The following EMC1 variants were observed in gnomAD, a reference collection of about 807,000 sequenced individuals.
EMC1 encodes the protein ER membrane protein complex subunit 1, also known as KIAA0090.
EMC1 carries 103 observed loss-of-function variants against 128.8 expected under a neutral mutation model. The ratio of observed to expected loss-of-function variants is 0.80; its 90% CI spans 0.68 to 0.94. EMC1 has a LOEUF of 0.94. EMC1 is among the 40% of genes least tolerant of loss of function. The pLI is 0.00. For missense variants in EMC1, 1,083 were observed against 1,250.6 expected, an observed-to-expected ratio of 0.87 and a Z score of 2.02; for synonymous variants, 442 against 490.4, an observed-to-expected ratio of 0.90 and a Z score of 1.30.
intron 14 of EMC1, 76 bp from the exon 15 acceptor site, chr1:19,232,849 A>G: frequency 6.2e-7 from 1 of 1,603,702 alleles, no homozygotes; most frequent in Non-Finnish European, 8.5e-7. Flanking sequence ...GAAAACTAGA[A>G]CCAGTGTTAT....
At chr1:19,227,270 T>C (rs1265044052) in intron 18 of EMC1, 43 bp downstream of exon 18, 2 of 1,610,608 alleles carry the variant, frequency 1.2e-6, no homozygotes, top group Admixed American at 3.3e-5. Context: ...GTTTTCCTGA[T>C]TCGAAAGCCC....
rs185633996 is a variant in EMC1, at chr1:19,216,494, T to A, written c.*2809A>T. The A allele has an allele frequency of 3.9e-5, 6 of 152,238 alleles. No homozygotes were observed. In the East Asian group the frequency reaches 1.2e-3, roughly 29 times the overall value. The allele number at this position is 152,238 out of a possible 1,614,324, so 9.4% of individuals were successfully genotyped here. ...TTAGCTGAGCCTTTATAAAAACATC[T>A]CATGTACCCCATAAGTATATGTACC... is the stretch of plus-strand genomic sequence containing the variant. On this transcript the variant is annotated 3_prime_UTR_variant, in exon 23 of 23. Coordinates refer to ENST00000477853, the MANE Select transcript of EMC1 (RefSeq NM_015047.3).
At chr1:19,224,478 T>C (rs1226928821) in intron 18 of EMC1, among the ~76,000 whole-genome samples, 1 of 152,152 alleles carries the variant, frequency 6.6e-6, no homozygotes, top group Non-Finnish European at 1.5e-5. Flanking sequence ...GGCTCAGACC[T>C]AAAGCCTCGA....
At chr1:19,247,291 A>T (rs1045954793) in intron 1 of EMC1, among the ~76,000 whole-genome samples, 2 of 152,178 alleles carry the variant, frequency 1.3e-5, no homozygotes, top group African/African-American at 4.8e-5. Context: ...CTCCCATCTC[A>T]GCCTCCCAAG....
chr1:19,251,359 G>A, intron 1 of EMC1, 56 bp downstream of exon 1: 1 of 1,463,268 alleles, frequency 6.8e-7, no homozygotes, highest in Non-Finnish European at 9.6e-7. Context: ...GCAGGTAGGA[G>A]ACAGGTACTG....
At position 19,219,372 on chromosome 1, in the gene EMC1, G is replaced by A. The variant is rs1400507308; in HGVS notation, c.2913C>T (p.Gly971=). Residue 971 remains glycine, a synonymous_variant, in exon 23 of 23, where the codon GGC becomes GGT. Transcript: ENST00000477853. ...DYVLISSVLF[G]LVFATMITKR... ...TAGTGATCATGGTGGCAAAAACCAG[G>A]CCAAAGAGGACGCTGCTGATTAACA... 9 of 1,613,936 alleles carry A rather than the reference G, an allele frequency of 5.6e-6. No homozygotes were observed. The highest frequency in any genetic ancestry group is 3.3e-5 in the Admixed American group (2 of 59,980).
intron 19 of EMC1, 67 bp from the exon 20 acceptor site, chr1:19,222,901 G>A: frequency 1.6e-6 from 2 of 1,225,148 alleles, no homozygotes; most frequent in Non-Finnish European, 2.3e-6. Flanking sequence ...AAATTGCACT[G>A]GAAGGCACCC....
At chr1:19,228,826 A>T (rs936688634) in intron 17 of EMC1, among the ~76,000 whole-genome samples, 3 of 152,064 alleles carry the variant, frequency 2.0e-5, no homozygotes, top group Middle Eastern at 3.2e-3. Context: ...CCGAGGCGGG[A>T]GGATCACTTG....
At chr1:19,220,724 G>C in intron 21 of EMC1, 40 bp downstream of exon 21, 1 of 1,485,704 alleles carries the variant, frequency 6.7e-7, no homozygotes, top group Non-Finnish European at 9.3e-7. Flanking sequence ...GTTAAGTTAT[G>C]TAAGGTCAGA....
chr1:19,244,463 G>A (rs1173295961), intron 2 of EMC1: 2 of 255,062 alleles, frequency 7.8e-6, no homozygotes, highest in South Asian at 9.1e-5. Context: ...CCAGGCTGGA[G>A]TGAACTGGCA....
At chr1:19,240,805 A>G (rs533181015) in intron 6 of EMC1, 326 of 604,154 alleles carry the variant, frequency 5.4e-4, no homozygotes, top group Middle Eastern at 1.6e-3. Flanking sequence ...AGATCTATGT[A>G]ATTTTTTAGC....
rs762717308 is a variant in EMC1, at chr1:19,239,988, G to A, written c.787-3C>T. 4 of 1,609,258 alleles carry A rather than the reference G, an allele frequency of 2.5e-6. No homozygotes were observed. The highest frequency in any genetic ancestry group is 3.4e-6 in the Non-Finnish European group (4 of 1,176,658). On this transcript the variant is annotated splice_region_variant and splice_polypyrimidine_tract_variant and intron_variant, in intron 7 of 22. Transcript: ENST00000477853. ...CTTCCAAATTCTAAGTCGAGAGACT[G>A]GAAGGCAAGAAGGAGGAGGATTATG...
chr1:19,233,303 T>G (rs2093538577), intron 13 of EMC1, among the ~76,000 whole-genome samples, 168 bp from the exon 14 acceptor site: 1 of 152,112 alleles, frequency 6.6e-6, no homozygotes, highest in Admixed American at 6.5e-5. Context: ...AGTCTCACAC[T>G]CAGGTGAGGC....
chr1:19,227,267 T>C, intron 18 of EMC1, 46 bp downstream of exon 18: 2 of 1,609,606 alleles, frequency 1.2e-6, no homozygotes, highest in Non-Finnish European at 8.5e-7. Context: ...CTTGTTTTCC[T>C]GATTCGAAAG....
In EMC1 at chr1:19,233,078, G is replaced by A; in HGVS notation, c.1490C>T (p.Ala497Val). 1 of 1,614,224 alleles carries A rather than the reference G, an allele frequency of 6.2e-7. No individual in the cohort carries two copies. The change falls in exon 14 of 23, where the codon GCA becomes GTA. Residue 497 changes from alanine (A) to valine (V), a missense_variant. Physicochemically the swap from Ala to Val is moderately conservative, Grantham distance 64 (BLOSUM62 0). Coordinates refer to ENST00000477853, the MANE Select transcript of EMC1 (RefSeq NM_015047.3). ...RLSSQLILLQ[A>V]WTSHLWKMFY... Reference sequence around the variant, plus strand: ...CATTTTCCAGAGGTGGGAAGTCCATGCTTGCAGCAGGATAAGCTGAGACGA... The same window carrying A: ...CATTTTCCAGAGGTGGGAAGTCCATACTTGCAGCAGGATAAGCTGAGACGA...
In EMC1 at chr1:19,243,968, T is replaced by A; in HGVS notation, c.268A>T (p.Met90Leu). ...KGTAEGAVDA[M>L]LLHGQDVITV... ...TGCTTACCCTGTCCGTGCAGCAGCA[T>A]GGCATCCACAGCCCCTTCTGCCGTG... is the stretch of plus-strand genomic sequence containing the variant. Residue 90 changes from methionine (M) to leucine (L), a missense_variant, in exon 3 of 23, where the codon ATG (methionine) becomes TTG (leucine). Physicochemically the swap from Met to Leu is conservative, Grantham distance 15 (BLOSUM62 2). This residue lies in a region of EMC1 where 544 missense variants were observed against 572.4 expected (regional missense o/e 0.95). Coordinates refer to ENST00000477853, the MANE Select transcript of EMC1 (RefSeq NM_015047.3). 1 of 1,614,130 alleles carries A rather than the reference T, an allele frequency of 6.2e-7. No individual in the cohort carries two copies. The highest frequency in any genetic ancestry group is 1.1e-5 in the South Asian group (1 of 91,074).
Position 19,220,786 on chromosome 1 carries a change from C to G in EMC1, c.2650G>C (p.Glu884Gln). The part of the protein sequence containing the change: ...PKALLDPRRP[E>Q]IPTEQSREEN... ...CACCTGCTTTGTTCTGTTGGGATCT[C>G]GGGGCGGCGGGGATCCAGCAAAGCC... Residue 884 changes from glutamate to glutamine, a missense_variant, in exon 21 of 23, where the codon GAG becomes CAG. Coordinates refer to ENST00000477853, the MANE Select transcript of EMC1 (RefSeq NM_015047.3). 6.2e-7 allele frequency: 1 copy of G among 1,613,644 alleles called. No homozygotes were observed. Among genetic ancestry groups the G allele is most frequent in the Non-Finnish European group, 8.5e-7 (1 of 1,179,894 alleles).
intron 11 of EMC1, among the ~76,000 whole-genome samples, chr1:19,237,774 G>A (rs2093576972): frequency 6.6e-6 from 1 of 152,234 alleles, no homozygotes; most frequent in African/African-American, 2.4e-5. Context: ...AGAGTGTTTG[G>A]AGGGTTAAAT....
Position 19,239,866 on chromosome 1 carries a change from C to G in EMC1, c.906G>C (p.Leu302=), listed in dbSNP as rs2151958160. Residue 302 remains leucine, a synonymous_variant, in exon 8 of 23, where the codon CTG becomes CTC. Coordinates refer to ENST00000477853, the MANE Select transcript of EMC1 (RefSeq NM_015047.3). ...FLHLSPSHYA[L]LQYHYGTLSL... is the part of the protein sequence containing the mutation. ...TCAGCGTTCCATAATGGTACTGCAG[C>G]AGAGCATAGTGGCTTGGGGACAAGT... The G allele has an allele frequency of 6.2e-7, 1 of 1,614,086 alleles. No individual in the cohort carries two copies. The highest frequency in any genetic ancestry group is 8.5e-7 in the Non-Finnish European group (1 of 1,180,000).
Sources: allele counts gnomAD v4.1 joint callset (sites outside exome capture counted in the v4.1 genomes callset), GRCh38; gene constraint gnomAD v4.1.1; regional missense constraint gnomAD v4.1.1; transcripts MANE v1.5; gene names NCBI Gene and HGNC (gene_info 2026-07-23, HGNC 2026-07-21).